The following RORA variants were observed in gnomAD, a reference collection of about 807,000 sequenced individuals.
RORA encodes RAR related orphan receptor A, also known as nuclear receptor ROR-alpha.
A neutral mutation model predicts 69.5 loss-of-function variants in RORA; 7 were observed. The observed-to-expected ratio is 0.10, with a 90% confidence interval of 0.06 to 0.19. The LOEUF is 0.19. Among genes scored for constraint, RORA ranks in the 10% least tolerant of loss-of-function variants. The pLI, the probability that RORA is intolerant of heterozygous loss-of-function variation, is 1.00. For missense variants in RORA, 457 were observed against 663.0 expected (o/e 0.69, Z 3.41); for synonymous variants, 261 against 240.8 (o/e 1.08, Z -0.78).
chr15:61,185,367 G>C (rs1472903228), intron 1 of RORA, among the ~76,000 whole-genome samples: 2 of 142,760 alleles, frequency 1.4e-5, no homozygotes, highest in African/African-American at 5.1e-5. Context: ...ATGAATTTAG[G>C]CAACCAGACT....
At chr15:60,845,271 T>C (rs1429596075) in intron 1 of RORA, among the ~76,000 whole-genome samples, 1 of 152,208 alleles carries the variant, frequency 6.6e-6, no homozygotes, top group Admixed American at 6.5e-5. Flanking sequence ...TATCGGTGTG[T>C]GTCCCAGAAA....
intron 2 of RORA, among the ~76,000 whole-genome samples, chr15:60,606,241 TG>T (rs1286873504): frequency 6.6e-6 from 1 of 152,186 alleles, no homozygotes; most frequent in Non-Finnish European, 1.5e-5. Context: ...GTATCCCTGG[TG>T]GGGCCCAGCA....
intron 1 of RORA, among the ~76,000 whole-genome samples, chr15:61,030,060 CA>C (rs1232199643): frequency 6.6e-6 from 1 of 152,154 alleles, no homozygotes; most frequent in African/African-American, 2.4e-5. Context: ...CATCATAAGA[CA>C]AACCCAAAGT....
At chr15:61,168,456 G>A (rs1233764738) in intron 1 of RORA, among the ~76,000 whole-genome samples, 2 of 151,874 alleles carry the variant, frequency 1.3e-5, no homozygotes, top group Admixed American at 6.6e-5. Context: ...ACAGGGTTTC[G>A]CCATGTTAGC....
At chr15:60,628,440 G>A (rs917882045) in intron 2 of RORA, among the ~76,000 whole-genome samples, 1 of 152,070 alleles carries the variant, frequency 6.6e-6, no homozygotes, top group Non-Finnish European at 1.5e-5. Flanking sequence ...GTCATAAATC[G>A]CTGCTGCCTC....
At chr15:61,065,609 G>T (rs1319400134) in intron 1 of RORA, among the ~76,000 whole-genome samples, 1 of 152,174 alleles carries the variant, frequency 6.6e-6, no homozygotes, top group Admixed American at 6.5e-5. Context: ...GCCTGGGAGA[G>T]GCTGGTCAGA....
At chr15:60,885,773 G>T (rs563130735) in intron 1 of RORA, among the ~76,000 whole-genome samples, 22 of 152,310 alleles carry the variant, frequency 1.4e-4, no homozygotes, top group African/African-American at 4.8e-4. Flanking sequence ...TATAACTTTG[G>T]CAAACTACTA....
chr15:60,635,852 A>G (rs2140662924), intron 2 of RORA, among the ~76,000 whole-genome samples: 1 of 152,150 alleles, frequency 6.6e-6, no homozygotes, highest in East Asian at 1.9e-4. Flanking sequence ...CTGGAGAAAC[A>G]TCCTCAGCCT....
intron 1 of RORA, among the ~76,000 whole-genome samples, chr15:60,899,379 TCTGATTGAA>T (rs1279494060): frequency 7.9e-5 from 12 of 152,202 alleles, no homozygotes; most frequent in African/African-American, 2.7e-4. Flanking sequence ...ACAGCTCTTA[TCTGATTGAA>T]ATGCATAGAT....
chr15:60,511,103 TG>T lies in RORA; in HGVS notation c.820+122del. On this transcript the variant is annotated intron_variant, in intron 5 of 10. Transcript: ENST00000335670. The surrounding 1 kb of genome is among the most constrained non-coding windows in gnomAD (Gnocchi z 6.4). ...CAAGGGGGCAGGGCAGAAAATTAAG[TG>T]GCCCAAATGGTAAAGGTGAATTGCA... is the stretch of plus-strand genomic sequence containing the variant. The T allele has an allele frequency of 9.0e-7, 1 of 1,110,314 alleles. No homozygotes were observed. Among genetic ancestry groups the T allele is most frequent in the Non-Finnish European group, 1.3e-6 (1 of 785,418 alleles). 68.8% of individuals were successfully genotyped at this position (1,110,314 alleles called of 1,614,324 possible). A position where few individuals can be genotyped will look rare whatever the true frequency, so the allele number is the denominator to read the frequency against.
chr15:61,056,195 G>C (rs2078094085), intron 1 of RORA, among the ~76,000 whole-genome samples: 1 of 152,194 alleles, frequency 6.6e-6, no homozygotes, highest in African/African-American at 2.4e-5. Flanking sequence ...GTTTTGGAGT[G>C]TGCGCTATGA....
intron 1 of RORA, among the ~76,000 whole-genome samples, chr15:61,169,829 T>C (rs1282989203): frequency 2.6e-5 from 4 of 151,868 alleles, no homozygotes; most frequent in Admixed American, 6.6e-5. Flanking sequence ...GAAGAAAAAT[T>C]CATTGGATTT....
rs2078179326 is a variant in RORA, at chr15:61,061,233, G to A, written c.166+167820C>T. Among the ~76,000 whole-genome samples, 1 of 151,942 alleles carries A rather than the reference G, an allele frequency of 6.6e-6. No homozygotes were observed. The highest frequency in any genetic ancestry group is 2.4e-5 in the African/African-American group (1 of 41,368). ...CCGGGCATGGTGGCGGGCGCCTGTG[G>A]TCCCAGCTACTCGGGAGGCTGAGGC... is the stretch of plus-strand genomic sequence containing the variant. On this transcript the variant is annotated intron_variant, in intron 1 of 10. Transcript: ENST00000335670. The surrounding 1 kb of genome is among the most constrained non-coding windows in gnomAD (Gnocchi z 4.4).
chr15:60,998,025 G>A (rs1266713827), intron 1 of RORA, among the ~76,000 whole-genome samples: 1 of 152,184 alleles, frequency 6.6e-6, no homozygotes, highest in Non-Finnish European at 1.5e-5. Context: ...TAATGCCCAA[G>A]AGCACAACTG....
rs148625024 is a variant in RORA at position 60,531,740 on chromosome 15, AAACAAC to A, written c.282+20_282+25del. ...GATATATTCTAACAAACATTAATAG[AAACAAC>A]AACAATTAAAAAGGCTTACCTTGCA... On this transcript the variant is annotated intron_variant, in intron 3 of 10. Coordinates refer to ENST00000335670, the MANE Select transcript of RORA (RefSeq NM_134261.3). This position sits in a 1 kb window ranked among gnomAD's most constrained non-coding sequence, Gnocchi z 4.8. 4.4e-4 allele frequency: 560 copies of A among 1,282,524 alleles called. 4 individuals are homozygous for A. In the African/African-American group the frequency reaches 7.8e-3, roughly 18 times the overall value. 79.4% of individuals were successfully genotyped at this position (1,282,524 alleles called of 1,614,324 possible).
intron 1 of RORA, among the ~76,000 whole-genome samples, chr15:61,190,088 A>G (rs1178567295): frequency 1.3e-5 from 2 of 152,082 alleles, no homozygotes; most frequent in East Asian, 1.9e-4. Flanking sequence ...TTTAAAGTTT[A>G]TCTGTTCCTC....
At chr15:61,055,376 G>A (rs900738834) in intron 1 of RORA, among the ~76,000 whole-genome samples, 4 of 152,132 alleles carry the variant, frequency 2.6e-5, no homozygotes, top group Non-Finnish European at 5.9e-5. Flanking sequence ...AGGGACCGAG[G>A]CCACAGTGAG....
intron 2 of RORA, among the ~76,000 whole-genome samples, chr15:60,647,268 C>T (rs1053939978): frequency 2.0e-5 from 3 of 152,154 alleles, no homozygotes; most frequent in East Asian, 1.9e-4. Context: ...ACCCTTAAGC[C>T]GCACTCAGAT....
chr15:61,076,096 G>A (rs188355689), intron 1 of RORA, among the ~76,000 whole-genome samples: 30 of 152,316 alleles, frequency 2.0e-4, no homozygotes, highest in Non-Finnish European at 3.2e-4. Flanking sequence ...AATGTCTGTG[G>A]AGGGGTTCAA....
Sources: gnomAD v4.1 joint callset for allele counts (sites outside exome capture counted in the v4.1 genomes callset) on GRCh38, gnomAD v4.1.1 for gene constraint, Gnocchi (gnomAD v3.1) non-coding constraint, MANE v1.5 for transcripts, NCBI Gene and HGNC (gene_info 2026-07-23, HGNC 2026-07-21) for gene names.